RBFOX1: variants seen among roughly 807,000 people sequenced by gnomAD.
RBFOX1 encodes the protein RNA binding fox-1 homolog 1, also known as RNA binding protein fox-1 homolog 1.
RBFOX1 carries 8 observed loss-of-function variants against 57.7 expected under a neutral mutation model. The observed-to-expected ratio is 0.14, with a 90% CI of 0.08 to 0.25. The LOEUF (loss-of-function observed/expected upper bound fraction) is 0.25. Ranked by LOEUF, RBFOX1 falls within the 10% of genes least tolerant of loss-of-function variation. The probability of loss-of-function intolerance (pLI) is 1.00; values close to 1 mark genes in which losing one functional copy is unlikely to be tolerated. For missense variants in RBFOX1, 611 were observed against 548.5 expected, an observed-to-expected ratio of 1.11 and a Z score of -1.14; for synonymous variants, 326 against 222.4, an observed-to-expected ratio of 1.47 and a Z score of -4.15.
At chr16:7,101,570 T>C (rs8061087) in intron 4 of RBFOX1, among the ~76,000 whole-genome samples, 10,099 of 152,122 alleles carry the variant, frequency 0.066, 1,178 homozygotes, top group African/African-American at 0.23. Flanking sequence ...TATTGAACAG[T>C]GGTGCTTTTG....
chr16:5,306,362 C>CA (rs1293467821), intron 1 of RBFOX1, among the ~76,000 whole-genome samples: 2 of 151,812 alleles, frequency 1.3e-5, no homozygotes, highest in African/African-American at 4.8e-5. Flanking sequence ...CCTTGTCACC[C>CA]AGGCTGTAGT....
At chr16:5,980,944 C>T (rs1284098751) in intron 4 of RBFOX1, among the ~76,000 whole-genome samples, 3 of 152,126 alleles carry the variant, frequency 2.0e-5, no homozygotes, top group Non-Finnish European at 2.9e-5. Flanking sequence ...GTTTCCATTT[C>T]TGGAAGTGAT....
intron 3 of RBFOX1, among the ~76,000 whole-genome samples, chr16:6,897,921 C>T (rs898274200): frequency 1.3e-5 from 2 of 152,210 alleles, no homozygotes; most frequent in South Asian, 2.1e-4. Flanking sequence ...GTCTCAGACA[C>T]GAGCTACCCT....
At chr16:6,208,402 T>C (rs941182658) in intron 1 of RBFOX1, among the ~76,000 whole-genome samples, 1 of 131,722 alleles carries the variant, frequency 7.6e-6, no homozygotes, top group Non-Finnish European at 1.6e-5. Context: ...CGTTTATTTA[T>C]TCATTCAGCA....
intron 3 of RBFOX1, among the ~76,000 whole-genome samples, chr16:6,906,044 C>T (rs1036768369): frequency 6.6e-6 from 1 of 152,168 alleles, no homozygotes; most frequent in Non-Finnish European, 1.5e-5. Context: ...CCAGTAGAAT[C>T]AGGAACAGTG....
chr16:6,527,385 T>C (rs1192147652), intron 2 of RBFOX1, among the ~76,000 whole-genome samples: 3 of 152,166 alleles, frequency 2.0e-5, no homozygotes, highest in Non-Finnish European at 4.4e-5. Context: ...AAGTGATTTC[T>C]GTACAGGCTA....
chr16:6,974,909 G>T (rs2086469049), intron 3 of RBFOX1, among the ~76,000 whole-genome samples: 1 of 152,078 alleles, frequency 6.6e-6, no homozygotes, highest in African/African-American at 2.4e-5. Context: ...AATCCAGCAT[G>T]TCCTGGACCC....
At chr16:5,926,941 G>A (rs2058951486) in intron 4 of RBFOX1, among the ~76,000 whole-genome samples, 1 of 152,140 alleles carries the variant, frequency 6.6e-6, no homozygotes, top group Non-Finnish European at 1.5e-5. Context: ...GGTAGAGTTG[G>A]GATGTGAATG....
At chr16:5,720,215 A>G (rs879907494) in intron 3 of RBFOX1, among the ~76,000 whole-genome samples, 1 of 152,086 alleles carries the variant, frequency 6.6e-6, no homozygotes, top group Non-Finnish European at 1.5e-5. Context: ...CATTTGTAGT[A>G]GGTCTTTTTT....
intron 4 of RBFOX1, among the ~76,000 whole-genome samples, chr16:7,167,809 C>A (rs549012803): frequency 3.3e-5 from 5 of 152,278 alleles, no homozygotes; most frequent in Admixed American, 6.5e-5. Context: ...AGTTGAATAA[C>A]TGCGACAAAA....
intron 3 of RBFOX1, among the ~76,000 whole-genome samples, chr16:5,636,240 C>G (rs549933132): frequency 1.3e-5 from 2 of 152,200 alleles, no homozygotes; most frequent in South Asian, 4.2e-4. Context: ...CCCAGCTACT[C>G]TGGAGGCCGA....
chr16:6,142,420 A>T (rs2096725497), intron 1 of RBFOX1, among the ~76,000 whole-genome samples: 1 of 151,726 alleles, frequency 6.6e-6, no homozygotes, highest in South Asian at 2.1e-4. Context: ...ATGGGGTTTC[A>T]CCATGTTAGC....
At chr16:7,249,590 GCTT>G (rs2094435512) in intron 4 of RBFOX1, among the ~76,000 whole-genome samples, 1 of 140,444 alleles carries the variant, frequency 7.1e-6, no homozygotes, top group Non-Finnish European at 1.5e-5. Flanking sequence ...TTCTTCATAG[GCTT>G]CTTTCTTTAA....
At chr16:7,114,600 C>G (rs1567312272) in intron 4 of RBFOX1, among the ~76,000 whole-genome samples, 2 of 152,180 alleles carry the variant, frequency 1.3e-5, no homozygotes, top group Non-Finnish European at 1.5e-5. Flanking sequence ...CAAGATCTTT[C>G]TCTTCTGTCA....
At chr16:7,422,433 T>C (rs1476426037) in intron 4 of RBFOX1, among the ~76,000 whole-genome samples, 1 of 152,146 alleles carries the variant, frequency 6.6e-6, no homozygotes, top group Admixed American at 6.6e-5. Flanking sequence ...CCTGCATTAT[T>C]TCGGTTGCCT....
At chr16:7,337,511 A>T (rs561105940) in intron 4 of RBFOX1, among the ~76,000 whole-genome samples, 1 of 152,284 alleles carries the variant, frequency 6.6e-6, no homozygotes, top group Admixed American at 6.5e-5. Context: ...GTAGGATGTG[A>T]CGATGTTTAA....
rs2097148525 is a variant in RBFOX1 at position 6,192,514 on chromosome 16, C to A, written c.-126-124481C>A. ...AACACCCCCATACACATGCACAGCT[C>A]ACACACCGTTTTACCTATCTCTTAA... On this transcript the variant is annotated intron_variant, in intron 1 of 15. Coordinates refer to ENST00000550418, the MANE Select transcript of RBFOX1 (RefSeq NM_018723.4). Among the ~76,000 whole-genome samples, 2 of 152,116 alleles carry A rather than the reference C, an allele frequency of 1.3e-5. 1 individual carries two copies. The highest frequency in any genetic ancestry group is 4.1e-4 in the South Asian group (2 of 4,822).
intron 3 of RBFOX1, among the ~76,000 whole-genome samples, chr16:6,720,375 C>A (rs1185813271): frequency 6.6e-6 from 1 of 152,172 alleles, no homozygotes; most frequent in Non-Finnish European, 1.5e-5. Context: ...GCCATGCTAC[C>A]TTTACAGACT....
At chr16:5,578,342 C>T (rs905596295) in intron 2 of RBFOX1, among the ~76,000 whole-genome samples, 4 of 152,192 alleles carry the variant, frequency 2.6e-5, no homozygotes, top group African/African-American at 9.6e-5. Flanking sequence ...CCAAAATTTA[C>T]TTGTTGGGTG....
Sources: allele counts gnomAD v4.1 joint callset (sites outside exome capture counted in the v4.1 genomes callset), GRCh38; gene constraint gnomAD v4.1.1; transcripts MANE v1.5; gene names NCBI Gene and HGNC (gene_info 2026-07-23, HGNC 2026-07-21).